Variants in ETF1 observed in about 807,000 individuals in gnomAD.
ETF1 encodes eukaryotic translation termination factor 1, also known as eukaryotic peptide chain release factor subunit 1.
Under a neutral mutation model 55.1 loss-of-function variants are expected in ETF1, and 4 were observed. The ratio of observed to expected loss-of-function variants is 0.07; its 90% CI spans 0.04 to 0.17. ETF1 has a LOEUF of 0.17. Among genes scored for constraint, ETF1 ranks in the 10% least tolerant of loss-of-function variants. The pLI is 1.00. For synonymous variants in ETF1, 157 were observed against 182.3 expected (o/e 0.86, Z 1.12); for missense variants, 142 against 523.6 (o/e 0.27, Z 7.11).
intron 4 of ETF1, 31 bp downstream of exon 4, chr5:138,517,530 C>G: frequency 7.1e-7 from 1 of 1,410,240 alleles, no homozygotes; most frequent in Non-Finnish European, 9.7e-7. Context: ...AATTCTGGAG[C>G]GATGAAAATG....
intron 2 of ETF1, among the ~76,000 whole-genome samples, chr5:138,524,819 G>T (rs542762393): frequency 3.3e-5 from 5 of 151,782 alleles, no homozygotes; most frequent in Non-Finnish European, 7.4e-5. Context: ...TTCATGATCC[G>T]CCCGCCTTGG....
Position 138,518,808 on chromosome 5 carries a change from G to A in ETF1, c.146C>T (p.Ala49Val), listed in dbSNP as rs1229231004. The change falls in exon 3 of 11, where the codon GCA becomes GTA. Residue 49 changes from alanine (A) to valine (V), a missense_variant. Ala to Val is a moderately conservative substitution (Grantham distance 64). Transcript: ENST00000360541. The stretch of plus-strand genomic sequence containing the variant: ...TCCAAACTCATCCGCTAACATTTTT[G>A]CCACTCGTGAAATCTGGTCTTTGGG... ...IPPKDQISRV[A>V]KMLADEFGTA... The A allele has an allele frequency of 6.2e-7, 1 of 1,613,996 alleles. No homozygotes were observed. Among genetic ancestry groups the A allele is most frequent in the Non-Finnish European group, 8.5e-7 (1 of 1,180,010 alleles).
chr5:138,543,141 G>C lies in ETF1; in HGVS notation c.-63C>G. On this transcript the variant is annotated 5_prime_UTR_variant, in exon 1 of 11. Coordinates refer to ENST00000360541, the MANE Select transcript of ETF1 (RefSeq NM_004730.4). ...CGGCAGCGGCTGCTCCTCCCCGGCG[G>C]CGGCTCCGCGGCGGCGGCGGCTCTG... 1 of 578,086 alleles carries C rather than the reference G, an allele frequency of 1.7e-6. No individual in the cohort carries two copies. The highest frequency in any genetic ancestry group is 3.0e-5 in the East Asian group (1 of 33,190). 35.8% of individuals were successfully genotyped at this position (578,086 alleles called of 1,614,324 possible). A position where few individuals can be genotyped will look rare whatever the true frequency, so the allele number is the denominator to read the frequency against.
At chr5:138,527,546 G>A (rs1364207076) in intron 2 of ETF1, among the ~76,000 whole-genome samples, 2 of 152,194 alleles carry the variant, frequency 1.3e-5, no homozygotes, top group African/African-American at 4.8e-5. Flanking sequence ...GGAGAGAAAA[G>A]ATACTTGCTT....
Position 138,512,969 on chromosome 5 carries a change from T to C in ETF1, c.542-15A>G, listed in dbSNP as rs760623579. On this transcript the variant is annotated splice_polypyrimidine_tract_variant and intron_variant, in intron 5 of 10. Coordinates refer to ENST00000360541, the MANE Select transcript of ETF1 (RefSeq NM_004730.4). Reference sequence around the variant, plus strand: ...ACCTCCTCTACCTTTGACACAAAAGTAGCAAGAGAAAAAGGCAATTATTAA... The same window carrying C: ...ACCTCCTCTACCTTTGACACAAAAGCAGCAAGAGAAAAAGGCAATTATTAA... The C allele has an allele frequency of 6.7e-6, 10 of 1,493,612 alleles. No individual in the cohort carries two copies. The East Asian group carries it at 1.1e-4, about 16-fold the overall frequency. 92.5% of individuals were successfully genotyped at this position (1,493,612 alleles called of 1,614,324 possible). A position where few individuals can be genotyped will look rare whatever the true frequency, so the allele number is the denominator to read the frequency against.
chr5:138,533,518 T>G (rs1278581051), intron 2 of ETF1, among the ~76,000 whole-genome samples: 2 of 152,018 alleles, frequency 1.3e-5, no homozygotes, highest in South Asian at 4.2e-4. Context: ...AAACCCTGTC[T>G]CTACTAAAAA....
At chr5:138,541,576 T>G in intron 2 of ETF1, 1 of 1,534,908 alleles carries the variant, frequency 6.5e-7, no homozygotes. Flanking sequence ...ACAGTAATAA[T>G]GAAGAGCTTG....
intron 2 of ETF1, among the ~76,000 whole-genome samples, chr5:138,538,499 C>A (rs758755998): frequency 2.0e-5 from 3 of 152,058 alleles, no homozygotes; most frequent in African/African-American, 7.2e-5. Context: ...CCTCATGTGG[C>A]CTATTAATTT....
At chr5:138,512,498 C>A (rs1467121259) in intron 6 of ETF1, among the ~76,000 whole-genome samples, 1 of 151,720 alleles carries the variant, frequency 6.6e-6, no homozygotes, top group African/African-American at 2.4e-5. Context: ...CATTCTACAG[C>A]CAATTCTGAC....
At chr5:138,511,715 A>AT (rs1764794059) in intron 6 of ETF1, 111 bp from the exon 7 acceptor site, 1 of 1,412,904 alleles carries the variant, frequency 7.1e-7, no homozygotes, top group South Asian at 1.7e-5. Context: ...GCTCAGCATT[A>AT]TGATCACTGA....
Position 138,508,519 on chromosome 5 carries a change from T to C in ETF1, c.1232-132A>G, listed in dbSNP as rs913954049. 8 of 1,554,826 alleles carry C rather than the reference T, an allele frequency of 5.1e-6. No homozygotes were observed. The Admixed American group carries it at 1.4e-4, about 27-fold the overall frequency. ...GAAAGCAAAGAGGTAATAATAAACATGGGTCCAAATTAGGAACCTGCACCT... is the reference window on the plus strand; with the variant it reads ...GAAAGCAAAGAGGTAATAATAAACACGGGTCCAAATTAGGAACCTGCACCT... On this transcript the variant is annotated intron_variant, in intron 10 of 10. Coordinates refer to ENST00000360541, the MANE Select transcript of ETF1 (RefSeq NM_004730.4).
intron 2 of ETF1, chr5:138,529,762 A>AT (rs1359763013): frequency 3.1e-6 from 3 of 967,254 alleles, no homozygotes; most frequent in Non-Finnish European, 3.7e-6. Flanking sequence ...TAGAAAGATA[A>AT]TTTTTTTAGA....
At chr5:138,517,048 A>G (rs1413785741) in intron 4 of ETF1, among the ~76,000 whole-genome samples, 6 of 152,206 alleles carry the variant, frequency 3.9e-5, no homozygotes, top group Admixed American at 2.0e-4. Flanking sequence ...GCCAGTCACA[A>G]AAGGCCACAA....
At chr5:138,518,647 T>A (rs768273377) in intron 3 of ETF1, 45 bp downstream of exon 3, 2 of 1,563,252 alleles carry the variant, frequency 1.3e-6, no homozygotes, top group Non-Finnish European at 1.8e-6. Flanking sequence ...GTATAAAACA[T>A]AACCAAAATG....
At chr5:138,523,056 T>C (rs1042379216) in intron 2 of ETF1, among the ~76,000 whole-genome samples, 7 of 150,674 alleles carry the variant, frequency 4.6e-5, no homozygotes, top group African/African-American at 1.7e-4. Flanking sequence ...CTACATCAAG[T>C]AAAAACTGTC....
At chr5:138,526,705 A>G (rs1189800794) in intron 2 of ETF1, among the ~76,000 whole-genome samples, 1 of 150,556 alleles carries the variant, frequency 6.6e-6, no homozygotes, top group East Asian at 1.9e-4. Context: ...CCCAACAGCT[A>G]TTGTTTTTTT....
At position 138,511,105 on chromosome 5, in the gene ETF1, G is replaced by C; in HGVS notation, c.958C>G (p.Leu320Val). The change falls in exon 8 of 11, where the codon CTA becomes GTA. Residue 320 changes from leucine (L) to valine (V), a missense_variant. Physicochemically the swap from Leu to Val is conservative, Grantham distance 32. Coordinates refer to ENST00000360541, the MANE Select transcript of ETF1 (RefSeq NM_004730.4). ...KALEMGAVEI[L>V]IVYENLDIMR... is the part of the protein sequence containing the mutation. ...ATATCCAGATTTTCATAGACTATTA[G>C]AATTTCTACAGCTCCCATTTCCAAA... 6.2e-7 allele frequency: 1 copy of C among 1,614,062 alleles called. No homozygotes were observed. The highest frequency in any genetic ancestry group is 8.5e-7 in the Non-Finnish European group (1 of 1,179,958).
chr5:138,512,261 T>A (rs1325138669), intron 6 of ETF1, among the ~76,000 whole-genome samples: 1,094 of 17,014 alleles, frequency 0.064, 25 homozygotes, highest in Middle Eastern at 0.19. Context: ...TATATATATT[T>A]TTTTTTTTTT....
At chr5:138,524,726 C>T (rs372115144) in intron 2 of ETF1, among the ~76,000 whole-genome samples, 19 of 151,664 alleles carry the variant, frequency 1.3e-4, no homozygotes, top group South Asian at 2.1e-4. Context: ...TACAGGCACA[C>T]GCCATCACAC....
Sources: gnomAD v4.1 joint callset for allele counts (sites outside exome capture counted in the v4.1 genomes callset) on GRCh38, gnomAD v4.1.1 for gene constraint, MANE v1.5 for transcripts, NCBI Gene and HGNC (gene_info 2026-07-23, HGNC 2026-07-21) for gene names.